Variants in NELL2 observed in about 807,000 individuals in gnomAD.
NELL2 encodes neural EGFL like 2, also known as protein kinase C-binding protein NELL2.
A neutral mutation model predicts 109.6 loss-of-function variants in NELL2; 41 were observed. That is an observed-to-expected ratio of 0.37 (90% CI 0.29 to 0.49). The LOEUF is 0.49. NELL2 is among the 20% of genes least tolerant of loss of function. NELL2 has a pLI of 0.98. For missense variants in NELL2, 900 were observed against 1,008.3 expected (o/e 0.89, Z 1.45); for synonymous variants, 355 against 344.7 (o/e 1.03, Z -0.33).
chr12:44,686,341 T>G (rs1435062029), intron 12 of NELL2, among the ~76,000 whole-genome samples: 1 of 152,216 alleles, frequency 6.6e-6, no homozygotes, highest in Non-Finnish European at 1.5e-5. Flanking sequence ...AGTTTTCAAC[T>G]TCTTTGCCTT....
At chr12:44,867,545 T>C (rs1041489490) in intron 2 of NELL2, among the ~76,000 whole-genome samples, 2 of 152,116 alleles carry the variant, frequency 1.3e-5, no homozygotes, top group African/African-American at 4.8e-5. Context: ...AAGTTGAAAG[T>C]TTTTCCTCTA....
chr12:44,870,650 G>A (rs1025293620), intron 2 of NELL2, among the ~76,000 whole-genome samples: 1 of 152,102 alleles, frequency 6.6e-6, no homozygotes, highest in Admixed American at 6.6e-5. Context: ...TGCAGTCCTT[G>A]GCTTGTGGCC....
intron 1 of NELL2, among the ~76,000 whole-genome samples, chr12:44,889,974 G>C (rs907317314): frequency 6.6e-6 from 1 of 152,090 alleles, no homozygotes; most frequent in South Asian, 2.1e-4. Flanking sequence ...TCTTAGGCCG[G>C]GTTTCCCAAA....
chr12:44,813,049 T>C (rs1943229449), intron 3 of NELL2, among the ~76,000 whole-genome samples: 2 of 152,176 alleles, frequency 1.3e-5, no homozygotes, highest in Admixed American at 1.3e-4. Flanking sequence ...TTTTTATAGC[T>C]AGTATTTTCA....
chr12:44,574,650 T>C (rs1240720295), intron 15 of NELL2, among the ~76,000 whole-genome samples: 1 of 152,150 alleles, frequency 6.6e-6, no homozygotes, highest in Non-Finnish European at 1.5e-5. Flanking sequence ...CAATATAAGA[T>C]GATATTTATA....
At position 44,532,631 on chromosome 12, in the gene NELL2, T is replaced by A. The variant is rs1942127444; in HGVS notation, c.1754A>T (p.Asp585Val). The change falls in exon 16 of 20, where the codon GAT (aspartate) becomes GTT (valine). Residue 585 changes from aspartate (D) to valine (V), a missense_variant. Around this residue, in one of 4 missense-constraint regions of NELL2, gnomAD observed 333 missense variants for 432.3 expected, o/e 0.77. Coordinates refer to ENST00000429094, the MANE Select transcript of NELL2 (RefSeq NM_001145108.2). ...LPGWYHCECR[D>V]GYHDNGMFSP... is the part of the protein sequence containing the mutation. ...AAACATCCCATTGTCATGGTAGCCA[T>A]CTCTGCACTCACAGTGGTACCATCC... 1.2e-6 allele frequency: 2 copies of A among 1,613,704 alleles called. No individual in the cohort carries two copies. The highest frequency in any genetic ancestry group is 8.5e-7 in the Non-Finnish European group (1 of 1,179,716).
intron 12 of NELL2, among the ~76,000 whole-genome samples, chr12:44,684,963 T>C (rs1165101679): frequency 6.6e-6 from 1 of 152,194 alleles, no homozygotes; most frequent in Non-Finnish European, 1.5e-5. Flanking sequence ...GTTCAATTCC[T>C]GGGTATCCTT....
At chr12:44,687,432 C>T (rs181693951) in intron 12 of NELL2, among the ~76,000 whole-genome samples, 6 of 152,292 alleles carry the variant, frequency 3.9e-5, no homozygotes, top group Admixed American at 2.0e-4. Context: ...GCTCCTCCCC[C>T]TCTTTGTGCA....
At chr12:44,532,543 A>G (rs747709838) in intron 16 of NELL2, 38 bp downstream of exon 16, 1 of 1,593,434 alleles carries the variant, frequency 6.3e-7, no homozygotes, top group South Asian at 1.1e-5. Flanking sequence ...CAAGTTCAAG[A>G]GAAGTTCTTA....
chr12:44,612,123 G>A lies in NELL2; in HGVS notation c.1445-1153C>T, dbSNP rs1473864665. ...CAGACATTATAATGGTAATATATCT[G>A]TAACTTGTCTTTGGCATAATAGATC... On this transcript the variant is annotated intron_variant, in intron 13 of 19. Transcript: ENST00000429094. Among the ~76,000 whole-genome samples, 3 of 151,838 alleles carry A rather than the reference G, an allele frequency of 2.0e-5. No individual in the cohort carries two copies. The East Asian group carries it at 5.8e-4, about 29-fold the overall frequency.
intron 15 of NELL2, among the ~76,000 whole-genome samples, chr12:44,549,809 T>C (rs1942955847): frequency 6.6e-6 from 1 of 152,192 alleles, no homozygotes; most frequent in Non-Finnish European, 1.5e-5. Flanking sequence ...TGTTATAATG[T>C]CCATGCTACC....
chr12:44,722,508 A>G (rs1209591496), intron 9 of NELL2, among the ~76,000 whole-genome samples: 4 of 152,186 alleles, frequency 2.6e-5, no homozygotes, highest in African/African-American at 4.8e-5. Context: ...GTAGAAAGTC[A>G]TCTTCCCTGC....
intron 2 of NELL2, chr12:44,851,663 G>A (rs1485677734): frequency 1.3e-5 from 2 of 152,076 alleles, no homozygotes; most frequent in Non-Finnish European, 2.9e-5. Flanking sequence ...TGCAAAAAAT[G>A]CTTCACCAGT....
chr12:44,711,952 A>C (rs111693608), intron 10 of NELL2, among the ~76,000 whole-genome samples: 202 of 152,156 alleles, frequency 1.3e-3, no homozygotes, highest in African/African-American at 4.6e-3. Context: ...TTGGCACTTA[A>C]AAAATTTCTT....
chr12:44,784,995 A>G (rs1358165144), intron 3 of NELL2, among the ~76,000 whole-genome samples: 1 of 152,142 alleles, frequency 6.6e-6, no homozygotes, highest in Non-Finnish European at 1.5e-5. Context: ...CCTCTCTCAC[A>G]ACTCTTATTC....
intron 15 of NELL2, among the ~76,000 whole-genome samples, chr12:44,580,875 T>C (rs1432318415): frequency 1.3e-5 from 2 of 152,198 alleles, no homozygotes; most frequent in East Asian, 1.9e-4. Flanking sequence ...ATTTCTCAAA[T>C]GCAGTTGGAA....
At chr12:44,633,218 CT>C (rs557414654) in intron 13 of NELL2, among the ~76,000 whole-genome samples, 50 of 152,054 alleles carry the variant, frequency 3.3e-4, no homozygotes, top group Non-Finnish European at 5.7e-4. Context: ...AAGGGATTTC[CT>C]GTAGGTATTT....
At chr12:44,606,939 T>C (rs1005861442) in intron 15 of NELL2, among the ~76,000 whole-genome samples, 3 of 152,116 alleles carry the variant, frequency 2.0e-5, no homozygotes, top group Non-Finnish European at 2.9e-5. Context: ...TCTGAAAAGT[T>C]CAATATGCGT....
In NELL2 at chr12:44,607,282, C is replaced by A; in HGVS notation, c.1568-18G>T. The A allele has an allele frequency of 6.2e-7, 1 of 1,602,968 alleles. No homozygotes were observed. The highest frequency in any genetic ancestry group is 8.5e-7 in the Non-Finnish European group (1 of 1,172,088). On this transcript the variant is annotated intron_variant, in intron 14 of 19. Coordinates refer to ENST00000429094, the MANE Select transcript of NELL2 (RefSeq NM_001145108.2). ...GCAAAATGCTAAAATAATTCAGATACATGATTTTAGCACTTTAGAAGTAAG... is the reference window on the plus strand; with the variant it reads ...GCAAAATGCTAAAATAATTCAGATAAATGATTTTAGCACTTTAGAAGTAAG...
Sources: allele counts gnomAD v4.1 joint callset (sites outside exome capture counted in the v4.1 genomes callset), GRCh38; gene constraint gnomAD v4.1.1; regional missense constraint gnomAD v4.1.1; transcripts MANE v1.5; gene names NCBI Gene and HGNC (gene_info 2026-07-23, HGNC 2026-07-21).